The following FMN2 variants were observed in gnomAD, a reference collection of about 807,000 sequenced individuals.
FMN2 encodes formin 2, also known as formin-2.
Under a neutral mutation model 142.3 loss-of-function variants are expected in FMN2, and 51 were observed. That is an observed-to-expected ratio of 0.36 (90% CI 0.29 to 0.45). The LOEUF (loss-of-function observed/expected upper bound fraction) is 0.45. FMN2 is among the 20% of genes least tolerant of loss of function. The probability of loss-of-function intolerance (pLI) is 1.00; values close to 1 mark genes in which losing one functional copy is unlikely to be tolerated. For missense variants in FMN2, 1,936 were observed against 2,122.8 expected (o/e 0.91, Z 1.73); for synonymous variants, 882 against 869.8 (o/e 1.01, Z -0.25).
At chr1:240,150,166 GA>G (rs1659021300) in intron 2 of FMN2, among the ~76,000 whole-genome samples, 1 of 152,112 alleles carries the variant, frequency 6.6e-6, no homozygotes, top group Non-Finnish European at 1.5e-5. Flanking sequence ...AACCCTTATT[GA>G]AATATGTTTT....
At chr1:240,136,965 G>T (rs1272920535) in intron 2 of FMN2, among the ~76,000 whole-genome samples, 1 of 151,516 alleles carries the variant, frequency 6.6e-6, no homozygotes, top group Non-Finnish European at 1.5e-5. Flanking sequence ...AGCTACTAGG[G>T]AGGCTGAGGG....
At chr1:240,247,133 T>C (rs749015096) in intron 6 of FMN2, among the ~76,000 whole-genome samples, 2 of 152,244 alleles carry the variant, frequency 1.3e-5, no homozygotes, top group East Asian at 1.9e-4. Context: ...AGGTGGTAGA[T>C]GATTATTGTT....
chr1:240,156,077 AAACAAC>A (rs887465487), intron 2 of FMN2, among the ~76,000 whole-genome samples: 1 of 151,920 alleles, frequency 6.6e-6, no homozygotes, highest in African/African-American at 2.4e-5. Flanking sequence ...TGTCTCTACT[AAACAAC>A]AACAACAACA....
At chr1:240,215,077 A>AT (rs1460450274) in intron 6 of FMN2, among the ~76,000 whole-genome samples, 1 of 152,268 alleles carries the variant, frequency 6.6e-6, no homozygotes, top group African/African-American at 2.4e-5. Flanking sequence ...AGGGAAAAAA[A>AT]AATTCATCCG....
chr1:240,190,631 G>T (rs1046878768), intron 4 of FMN2, among the ~76,000 whole-genome samples: 1 of 152,100 alleles, frequency 6.6e-6, no homozygotes, highest in East Asian at 1.9e-4. Context: ...TTGATAAAGG[G>T]TAGGCTCGCT....
chr1:240,408,034 C>T (rs147719447), intron 15 of FMN2, among the ~76,000 whole-genome samples: 1,711 of 152,234 alleles, frequency 0.011, 38 homozygotes, highest in African/African-American at 0.037. Flanking sequence ...ATTTAACCCA[C>T]TAAAACAGCT....
chr1:240,143,364 G>T, intron 2 of FMN2: 3 of 1,459,918 alleles, frequency 2.1e-6, no homozygotes. Flanking sequence ...AGTGGCCAAA[G>T]GTTCATAGTG....
intron 13 of FMN2, among the ~76,000 whole-genome samples, chr1:240,344,456 CCTCAAGTA>C (rs1558444077): frequency 3.3e-5 from 5 of 152,052 alleles, no homozygotes; most frequent in Non-Finnish European, 5.9e-5. Context: ...AGTTGATAAG[CCTCAAGTA>C]TTTCTCTTTC....
chr1:240,182,358 G>C (rs1011865425), intron 3 of FMN2, among the ~76,000 whole-genome samples: 1 of 152,152 alleles, frequency 6.6e-6, no homozygotes. Flanking sequence ...AGGAAACAGA[G>C]AACTGACTTT....
intron 7 of FMN2, among the ~76,000 whole-genome samples, chr1:240,286,046 G>T (rs960947494): frequency 2.0e-5 from 3 of 152,146 alleles, no homozygotes; most frequent in Non-Finnish European, 4.4e-5. Context: ...TTTGAGTTCA[G>T]TGTAGCATTT....
At chr1:240,331,526 A>C (rs1671378410) in intron 11 of FMN2, among the ~76,000 whole-genome samples, 2 of 152,176 alleles carry the variant, frequency 1.3e-5, no homozygotes, top group African/African-American at 4.8e-5. Flanking sequence ...TTGAAATATT[A>C]AGTTTAATAA....
chr1:240,203,037 A>C (rs552988230), intron 4 of FMN2, among the ~76,000 whole-genome samples: 1 of 152,360 alleles, frequency 6.6e-6, no homozygotes, highest in Non-Finnish European at 1.5e-5. Flanking sequence ...GGTCACCTTT[A>C]AGAGTATGCT....
chr1:240,246,137 A>G (rs7550620), intron 6 of FMN2, among the ~76,000 whole-genome samples: 53,465 of 151,652 alleles, frequency 0.35, 9,434 homozygotes, highest in Middle Eastern at 0.47. Flanking sequence ...CTGAGATCGC[A>G]CCACTGCACT....
intron 2 of FMN2, among the ~76,000 whole-genome samples, chr1:240,131,642 G>T (rs2103233911): frequency 6.6e-6 from 1 of 152,190 alleles, no homozygotes; most frequent in South Asian, 2.1e-4. Context: ...CCAGGAGGCG[G>T]AGGTTGCAGT....
intron 14 of FMN2, among the ~76,000 whole-genome samples, chr1:240,360,503 G>A (rs993992462): frequency 1.3e-5 from 2 of 152,138 alleles, no homozygotes; most frequent in South Asian, 2.1e-4. Flanking sequence ...TCAGTTGTAC[G>A]TTTTCCTTCT....
chr1:240,288,167 T>C (rs993884988), intron 7 of FMN2, among the ~76,000 whole-genome samples: 3 of 152,188 alleles, frequency 2.0e-5, no homozygotes, highest in African/African-American at 7.2e-5. Context: ...TGGGTTCTTC[T>C]AGATAGAGAA....
At position 240,309,065 on chromosome 1, in the gene FMN2, A is replaced by G. The variant is rs77528110; in HGVS notation, c.4215+14182A>G. Among the ~76,000 whole-genome samples, 211 of 152,322 alleles carry G rather than the reference A, an allele frequency of 1.4e-3. 1 individual carries two copies. The highest frequency in any genetic ancestry group is 4.5e-3 in the African/African-American group (189 of 41,580). On this transcript the variant is annotated intron_variant, in intron 8 of 17. Coordinates refer to ENST00000319653, the MANE Select transcript of FMN2 (RefSeq NM_020066.5). The stretch of plus-strand genomic sequence containing the variant: ...TAGAAAGTCTAACAGTATGGGTTCA[A>G]TTGGGACATAAACCACAGACTAATA...
intron 1 of FMN2, among the ~76,000 whole-genome samples, chr1:240,120,797 C>T (rs920406497): frequency 6.6e-6 from 1 of 152,152 alleles, no homozygotes; most frequent in Non-Finnish European, 1.5e-5. Context: ...GGAAGGGACC[C>T]TAGAGATTTT....
chr1:240,307,314 T>G (rs1470341169), intron 8 of FMN2, among the ~76,000 whole-genome samples: 1 of 152,346 alleles, frequency 6.6e-6, no homozygotes, highest in Admixed American at 6.5e-5. Flanking sequence ...TCATAAATGT[T>G]TGCCTAGACC....
Sources: gnomAD v4.1 joint callset for allele counts (sites outside exome capture counted in the v4.1 genomes callset) on GRCh38, gnomAD v4.1.1 for gene constraint, MANE v1.5 for transcripts, NCBI Gene and HGNC (gene_info 2026-07-23, HGNC 2026-07-21) for gene names.